DLC1: variants seen among roughly 807,000 people sequenced by gnomAD.
DLC1 encodes rho GTPase-activating protein 7.
DLC1 carries 54 observed loss-of-function variants against 140.3 expected under a neutral mutation model. That is an observed-to-expected ratio of 0.38 (90% confidence interval 0.31 to 0.48). The LOEUF (loss-of-function observed/expected upper bound fraction) is 0.48. Among genes scored for constraint, DLC1 ranks in the 20% least tolerant of loss-of-function variants. The pLI is 0.96. For missense variants in DLC1, 2,536 were observed against 1,907.0 expected, an observed-to-expected ratio of 1.33 and a Z score of -6.14; for synonymous variants, 986 against 728.1, an observed-to-expected ratio of 1.35 and a Z score of -5.70.
chr8:13,110,760 G>A lies in DLC1; in HGVS notation c.1484C>T (p.Ala495Val), dbSNP rs1030627019. 6.2e-7 allele frequency: 1 copy of A among 1,613,802 alleles called. No homozygotes were observed. The highest frequency in any genetic ancestry group is 8.5e-7 in the Non-Finnish European group (1 of 1,179,956). Residue 495 changes from alanine (A) to valine (V), a missense_variant, in exon 7 of 18, where the codon GCC becomes GTC. Transcript: ENST00000276297. ...KREHDFLDRDAIEALCRRLNT... is the reference protein window; with the variant it reads ...KREHDFLDRDVIEALCRRLNT... ...CATTTACCTGCATAGAGCCTCAATG[G>A]CATCTCTGTCCAAAAAATCATGCTC...
At chr8:13,178,390 G>T (rs544946328) in intron 5 of DLC1, among the ~76,000 whole-genome samples, 6 of 151,886 alleles carry the variant, frequency 4.0e-5, no homozygotes, top group African/African-American at 1.5e-4. Flanking sequence ...CTGAAACTCC[G>T]TCTCTACTAA....
chr8:13,260,593 A>C (rs1380760595), intron 5 of DLC1, among the ~76,000 whole-genome samples: 1 of 152,198 alleles, frequency 6.6e-6, no homozygotes, highest in Non-Finnish European at 1.5e-5. Flanking sequence ...ATAGAAATAG[A>C]GTTTAAAGGT....
At chr8:13,587,959 T>G (rs1225609747) in intron 1 of DLC1, among the ~76,000 whole-genome samples, 3 of 152,074 alleles carry the variant, frequency 2.0e-5, no homozygotes, top group Non-Finnish European at 4.4e-5. Context: ...TAAAACTTCT[T>G]GGATAACATC....
chr8:13,166,661 A>G (rs1745084849), intron 5 of DLC1, among the ~76,000 whole-genome samples: 1 of 152,186 alleles, frequency 6.6e-6, no homozygotes, highest in African/African-American at 2.4e-5. Context: ...TCTTATTTAA[A>G]CTGATTGAAT....
At chr8:13,468,745 C>T (rs182786895) in intron 2 of DLC1, among the ~76,000 whole-genome samples, 4 of 144,344 alleles carry the variant, frequency 2.8e-5, no homozygotes, top group African/African-American at 1.0e-4. Context: ...ATTCATTTAT[C>T]TGTAGAGTTT....
chr8:13,362,782 T>A (rs565366192), intron 4 of DLC1, among the ~76,000 whole-genome samples: 1 of 152,282 alleles, frequency 6.6e-6, no homozygotes, highest in South Asian at 2.1e-4. Flanking sequence ...CATTCTACTG[T>A]CTTTCCTGTC....
At chr8:13,427,157 CT>C (rs1313750358) in intron 2 of DLC1, among the ~76,000 whole-genome samples, 1 of 152,198 alleles carries the variant, frequency 6.6e-6, no homozygotes, top group Non-Finnish European at 1.5e-5. Flanking sequence ...CTCTCCCTGC[CT>C]ACTCAATTCC....
intron 5 of DLC1, among the ~76,000 whole-genome samples, chr8:13,150,158 G>A (rs1823704438): frequency 6.6e-6 from 1 of 152,138 alleles, no homozygotes; most frequent in African/African-American, 2.4e-5. Flanking sequence ...TAAAAGAAAT[G>A]GAGAAGAAAG....
intron 1 of DLC1, among the ~76,000 whole-genome samples, chr8:13,590,828 T>C (rs1805492361): frequency 6.6e-6 from 1 of 152,170 alleles, no homozygotes; most frequent in African/African-American, 2.4e-5. Context: ...TTTCTATCAA[T>C]GTAATTAAAA....
intron 2 of DLC1, among the ~76,000 whole-genome samples, chr8:13,478,451 T>G (rs546601425): frequency 6.6e-6 from 1 of 152,200 alleles, no homozygotes; most frequent in East Asian, 1.9e-4. Flanking sequence ...ATTCAATCTA[T>G]GTCAGTGCAT....
At chr8:13,396,176 C>T (rs1204538897) in intron 3 of DLC1, among the ~76,000 whole-genome samples, 8 of 151,084 alleles carry the variant, frequency 5.3e-5, no homozygotes, top group African/African-American at 1.9e-4. Flanking sequence ...TCTCCTGCCT[C>T]GGCCTCCCGA....
intron 5 of DLC1, among the ~76,000 whole-genome samples, chr8:13,225,916 A>AT (rs894785890): frequency 7.9e-5 from 12 of 151,832 alleles, no homozygotes; most frequent in Non-Finnish European, 1.2e-4. Context: ...CGCCTGGCCT[A>AT]TTTTTTTATT....
chr8:13,219,730 G>C (rs1266937233), intron 5 of DLC1, among the ~76,000 whole-genome samples: 1 of 151,938 alleles, frequency 6.6e-6, no homozygotes. Context: ...GTATAAGAAT[G>C]TTCATTGCAG....
At chr8:13,215,957 C>A (rs1055005229) in intron 5 of DLC1, among the ~76,000 whole-genome samples, 1 of 152,182 alleles carries the variant, frequency 6.6e-6, no homozygotes. Flanking sequence ...CACCAGATCC[C>A]TCTTACCCAC....
chr8:13,112,093 G>C (rs185125536), intron 6 of DLC1, among the ~76,000 whole-genome samples: 14 of 152,264 alleles, frequency 9.2e-5, no homozygotes, highest in Admixed American at 3.3e-4. Context: ...TGAGGCTGCA[G>C]TGAACTCTGA....
chr8:13,482,804 G>A (rs540977333), intron 2 of DLC1, among the ~76,000 whole-genome samples: 1 of 152,296 alleles, frequency 6.6e-6, no homozygotes, highest in Middle Eastern at 3.4e-3. Flanking sequence ...TCATTCAACA[G>A]AAATTTAATA....
chr8:13,134,484 A>T (rs577260106), intron 5 of DLC1, among the ~76,000 whole-genome samples: 110 of 152,324 alleles, frequency 7.2e-4, no homozygotes, highest in African/African-American at 2.5e-3. Context: ...TCTGATGGAG[A>T]TACATAAAGC....
At chr8:13,271,752 A>T (rs1364104728) in intron 5 of DLC1, among the ~76,000 whole-genome samples, 1 of 152,168 alleles carries the variant, frequency 6.6e-6, no homozygotes, top group Non-Finnish European at 1.5e-5. Flanking sequence ...TGGCATGATC[A>T]TAGCTCACTG....
At chr8:13,104,073 A>G (rs1819343787) in intron 7 of DLC1, among the ~76,000 whole-genome samples, 1 of 152,142 alleles carries the variant, frequency 6.6e-6, no homozygotes, top group African/African-American at 2.4e-5. Flanking sequence ...ACAGAATGGA[A>G]ATTGAAGCCC....
Sources: allele counts gnomAD v4.1 joint callset (sites outside exome capture counted in the v4.1 genomes callset), GRCh38; gene constraint gnomAD v4.1.1; transcripts MANE v1.5; gene names NCBI Gene and HGNC (gene_info 2026-07-23, HGNC 2026-07-21).